Variants in DDX50 observed in about 807,000 individuals in gnomAD.
DDX50 encodes DExD-box helicase 50.
DDX50 carries 56 observed loss-of-function variants against 94.8 expected under a neutral mutation model. That is an observed-to-expected ratio of 0.59 (90% CI 0.48 to 0.74). The LOEUF (loss-of-function observed/expected upper bound fraction) is 0.74. DDX50 is among the 30% of genes least tolerant of loss of function. The pLI is 0.00. For missense variants in DDX50, 713 were observed against 881.2 expected (o/e 0.81, Z 2.42); for synonymous variants, 264 against 295.4 (o/e 0.89, Z 1.09).
At chr10:68,943,387 A>C (rs1280074444) in intron 14 of DDX50, 130 bp downstream of exon 14, 9 of 749,740 alleles carry the variant, frequency 1.2e-5, no homozygotes, top group Non-Finnish European at 1.9e-5. Flanking sequence ...AATATAAAAT[A>C]ACCAGTCTGT....
Position 68,914,177 on chromosome 10 carries a change from G to A in DDX50, c.1062G>A (p.Met354Ile). The change falls in exon 7 of 15, where the codon ATG becomes ATA. Residue 354 changes from methionine to isoleucine, a missense_variant. By Grantham distance (10) the Met-to-Ile change is conservative (BLOSUM62 1). This residue lies in a region of DDX50 where 428 missense variants were observed against 602.3 expected (regional missense o/e 0.71). Transcript: ENST00000373585. ...AACAGGTTGACCTTGTTGGAAAAAT[G>A]ACTCAAAAGGCTGCAACTACTGTGG... ...RYEQVDLVGK[M>I]TQKAATTVEH... is the part of the protein sequence containing the mutation. The A allele has an allele frequency of 6.2e-7, 1 of 1,610,526 alleles. No homozygotes were observed. The highest frequency in any genetic ancestry group is 8.5e-7 in the Non-Finnish European group (1 of 1,179,006).
chr10:68,907,725 G>A (rs1345476806), intron 2 of DDX50, among the ~76,000 whole-genome samples: 1 of 148,162 alleles, frequency 6.7e-6, no homozygotes, highest in Non-Finnish European at 1.5e-5. Context: ...CTTGTGTTAT[G>A]GCCTTTTTTT....
At chr10:68,929,769 C>A (rs1842202090) in intron 8 of DDX50, among the ~76,000 whole-genome samples, 1 of 149,002 alleles carries the variant, frequency 6.7e-6, no homozygotes, top group Non-Finnish European at 1.5e-5. Context: ...CTGTGTCGCC[C>A]AGACTGGAGT....
chr10:68,941,318 T>C (rs1156771733), intron 13 of DDX50, 124 bp downstream of exon 13: 6 of 1,282,736 alleles, frequency 4.7e-6, no homozygotes, highest in Non-Finnish European at 6.4e-6. Context: ...TTTTCTCTGT[T>C]AGTTTGTTTC....
chr10:68,917,038 C>G (rs1279048801), intron 7 of DDX50, among the ~76,000 whole-genome samples: 1 of 151,886 alleles, frequency 6.6e-6, no homozygotes, highest in African/African-American at 2.4e-5. Context: ...CCCTTGCTGT[C>G]TTTTTTAAAT....
intron 1 of DDX50, among the ~76,000 whole-genome samples, chr10:68,903,538 C>A (rs1441616940): frequency 1.3e-5 from 2 of 151,186 alleles, no homozygotes; most frequent in African/African-American, 2.4e-5. Flanking sequence ...CGGTGGCTCA[C>A]GTCTGTAATG....
intron 13 of DDX50, among the ~76,000 whole-genome samples, 197 bp from the exon 14 acceptor site, chr10:68,943,016 G>C (rs967068548): frequency 6.6e-6 from 1 of 152,072 alleles, no homozygotes; most frequent in African/African-American, 2.4e-5. Context: ...ACAACATATA[G>C]GGTCTACACA....
At chr10:68,923,100 A>G (rs1589259532) in intron 8 of DDX50, among the ~76,000 whole-genome samples, 1 of 103,180 alleles carries the variant, frequency 9.7e-6, no homozygotes. Context: ...GCTGAGTATG[A>G]CCCTTTCTCT....
chr10:68,905,955 G>C (rs918145880), intron 1 of DDX50, among the ~76,000 whole-genome samples: 1 of 152,096 alleles, frequency 6.6e-6, no homozygotes, highest in Admixed American at 6.6e-5. Context: ...AGGTAATACA[G>C]GTTCACTATC....
At chr10:68,902,190 C>CAA (rs35302047) in intron 1 of DDX50, among the ~76,000 whole-genome samples, 13,109 of 93,628 alleles carry the variant, frequency 0.14, 949 homozygotes, top group East Asian at 0.44. Context: ...CCCTGCCCTC[C>CAA]AAAAAAAAAA....
intron 8 of DDX50, among the ~76,000 whole-genome samples, chr10:68,922,476 T>G (rs896113754): frequency 3.9e-5 from 6 of 152,212 alleles, no homozygotes; most frequent in African/African-American, 1.4e-4. Context: ...TTTTTCTTGA[T>G]TTTTGTTCTT....
chr10:68,919,834 T>C lies in DDX50; in HGVS notation c.1092T>C (p.His364=), dbSNP rs1355313562. The C allele has an allele frequency of 4.3e-6, 7 of 1,611,976 alleles. No homozygotes were observed. In the East Asian group the frequency reaches 1.6e-4, roughly 36 times the overall value. The change falls in exon 8 of 15, where the codon CAT becomes CAC. Residue 364 remains histidine, a splice_region_variant and synonymous_variant. Transcript: ENST00000373585. ...MTQKAATTVE[H]LAIQCHWSQR... ...TGTGGTATTTTCTTTCTTCAAAGCA[T>C]TTGGCCATCCAGTGTCATTGGTCTC...
intron 7 of DDX50, among the ~76,000 whole-genome samples, chr10:68,919,502 A>G (rs566175118): frequency 6.6e-6 from 1 of 152,214 alleles, no homozygotes; most frequent in South Asian, 2.1e-4. Context: ...CTAGAACTTC[A>G]TATAAATGGA....
Position 68,934,372 on chromosome 10 carries a change from GA to G in DDX50, c.1401+13del, listed in dbSNP as rs1442241621. 1 of 1,611,620 alleles carries G rather than the reference GA, an allele frequency of 6.2e-7. No individual in the cohort carries two copies. The highest frequency in any genetic ancestry group is 8.5e-7 in the Non-Finnish European group (1 of 1,179,382). Reference sequence around the variant, plus strand: ...GTTCTCCTCCTCAGGTAGGAAATGGGATTTGATTTGGGAAAAATAAGAGCAA... The same window carrying G: ...GTTCTCCTCCTCAGGTAGGAAATGGGTTTGATTTGGGAAAAATAAGAGCAA... On this transcript the variant is annotated intron_variant, in intron 9 of 14. Coordinates refer to ENST00000373585, the MANE Select transcript of DDX50 (RefSeq NM_024045.2). The surrounding 1 kb of genome is among the most constrained non-coding windows in gnomAD (Gnocchi z 4.0).
chr10:68,929,899 A>G (rs1390647692), intron 8 of DDX50, among the ~76,000 whole-genome samples: 3 of 150,872 alleles, frequency 2.0e-5, no homozygotes, highest in Admixed American at 2.0e-4. Context: ...TACCCGGCTA[A>G]TTTTTGTATT....
At chr10:68,932,765 C>T (rs79876670) in intron 8 of DDX50, among the ~76,000 whole-genome samples, 2,280 of 152,152 alleles carry the variant, frequency 0.015, 27 homozygotes, top group Non-Finnish European at 0.024. Flanking sequence ...ATTAAAACAA[C>T]ATTGGGAAAT....
intron 8 of DDX50, among the ~76,000 whole-genome samples, chr10:68,933,791 T>C (rs916687419): frequency 6.6e-6 from 1 of 151,916 alleles, no homozygotes; most frequent in Non-Finnish European, 1.5e-5. Flanking sequence ...AAAAATTAGC[T>C]GGGCATAGTG....
chr10:68,924,955 A>G (rs12247231), intron 8 of DDX50, among the ~76,000 whole-genome samples: 4,839 of 152,234 alleles, frequency 0.032, 264 homozygotes, highest in African/African-American at 0.11. Flanking sequence ...GTTGTCAACA[A>G]TTTGAGAATA....
chr10:68,913,636 A>T (rs1236627993), intron 6 of DDX50, 60 bp downstream of exon 6: 1 of 1,492,828 alleles, frequency 6.7e-7, no homozygotes. Flanking sequence ...AATGCAAACG[A>T]GTTTTTATTT....
Sources: allele counts gnomAD v4.1 joint callset (sites outside exome capture counted in the v4.1 genomes callset), GRCh38; gene constraint gnomAD v4.1.1; regional missense constraint gnomAD v4.1.1; non-coding constraint Gnocchi (gnomAD v3.1); transcripts MANE v1.5; gene names NCBI Gene and HGNC (gene_info 2026-07-23, HGNC 2026-07-21).